Variants in SLC38A12 observed in about 807,000 individuals in gnomAD.
SLC38A12 encodes the protein putative sodium-coupled neutral amino acid transporter 12.
At chr17:74,819,969 G>T in the SLC38A12 span, 1 of 810,038 alleles carries the variant, frequency 1.2e-6, no homozygotes, top group South Asian at 1.6e-5. Context: ...ATTGACTCAG[G>T]CCTGTCTGGT....
the SLC38A12 span, chr17:74,837,830 A>G: frequency 3.0e-6 from 3 of 985,956 alleles, no homozygotes; most frequent in African/African-American, 5.2e-5. Context: ...CGTGCCTTCT[A>G]CTGCTTCAGG....
At chr17:74,795,704 A>C in the SLC38A12 span, 1 of 1,182,462 alleles carries the variant, frequency 8.5e-7, no homozygotes. Context: ...AAGTGCCTTT[A>C]CTTCCAGGTA....
chr17:74,817,481 A>G, the SLC38A12 span, among the ~76,000 whole-genome samples: 2 of 152,164 alleles, frequency 1.3e-5, no homozygotes, highest in East Asian at 1.9e-4. Context: ...CTAAGCGGAT[A>G]TGAACCCTCG....
chr17:74,800,401 C>T, the SLC38A12 span, among the ~76,000 whole-genome samples: 1 of 152,246 alleles, frequency 6.6e-6, no homozygotes, highest in Admixed American at 6.5e-5. Context: ...CCTGGGCACT[C>T]AAGTAGTGTT....
chr17:74,824,226 G>A, the SLC38A12 span, among the ~76,000 whole-genome samples: 9 of 152,166 alleles, frequency 5.9e-5, no homozygotes, highest in South Asian at 4.1e-4. Flanking sequence ...CTGCTCCGCC[G>A]CCCCCAGCAT....
At chr17:74,790,192 G>C in the SLC38A12 span, 1 of 1,611,480 alleles carries the variant, frequency 6.2e-7, no homozygotes, top group Non-Finnish European at 8.5e-7. Context: ...CATCCTACTG[G>C]CTCCCAGGAG....
the SLC38A12 span, among the ~76,000 whole-genome samples, chr17:74,806,451 G>A: frequency 6.6e-6 from 1 of 152,148 alleles, no homozygotes; most frequent in South Asian, 2.1e-4. Flanking sequence ...AGCTGTTTTT[G>A]TAGAGAGATC....
At chr17:74,812,095 A>G in the SLC38A12 span, among the ~76,000 whole-genome samples, 6 of 149,944 alleles carry the variant, frequency 4.0e-5, no homozygotes, top group African/African-American at 1.5e-4. Flanking sequence ...GCTTGGCTTC[A>G]GGAGTGCTGC....
the SLC38A12 span, among the ~76,000 whole-genome samples, chr17:74,818,372 G>T: frequency 6.6e-6 from 1 of 152,232 alleles, no homozygotes. Context: ...CCTGGTGGCT[G>T]CCAGGTCGCC....
chr17:74,810,731 G>A, the SLC38A12 span, among the ~76,000 whole-genome samples: 2 of 152,212 alleles, frequency 1.3e-5, no homozygotes, highest in Non-Finnish European at 2.9e-5. Flanking sequence ...GAACATTTTA[G>A]GAAGCTCATC....
At chr17:74,796,512 T>C in the SLC38A12 span, among the ~76,000 whole-genome samples, 1 of 152,208 alleles carries the variant, frequency 6.6e-6, no homozygotes, top group East Asian at 1.9e-4. Context: ...CTGCAGGCTA[T>C]TTGGGGCTGG....
chr17:74,807,144 C>T, the SLC38A12 span, among the ~76,000 whole-genome samples: 3 of 146,268 alleles, frequency 2.1e-5, no homozygotes, highest in South Asian at 4.6e-4. Context: ...CCCCAGACGT[C>T]GAGTGCTGTC....
At chr17:74,795,163 G>A in the SLC38A12 span, 1 of 1,453,014 alleles carries the variant, frequency 6.9e-7, no homozygotes, top group Non-Finnish European at 9.7e-7. Flanking sequence ...GGCTTCCTCA[G>A]CAAGTCAGGG....
the SLC38A12 span, among the ~76,000 whole-genome samples, chr17:74,821,911 G>A: frequency 6.6e-5 from 10 of 152,264 alleles, 1 homozygote; most frequent in South Asian, 4.1e-4. Context: ...GCTGATTCCC[G>A]TCCCTTCCCC....
At chr17:74,804,175 C>G in the SLC38A12 span, among the ~76,000 whole-genome samples, 1 of 152,226 alleles carries the variant, frequency 6.6e-6, no homozygotes, top group Non-Finnish European at 1.5e-5. Flanking sequence ...TGCTCTGTTA[C>G]AGGGTGTGTA....
the SLC38A12 span, among the ~76,000 whole-genome samples, chr17:74,796,330 G>A: frequency 2.0e-5 from 3 of 152,242 alleles, no homozygotes; most frequent in Admixed American, 6.5e-5. Context: ...GCTTCCTCTT[G>A]GTCCTCCTCA....
At chr17:74,804,592 C>T in the SLC38A12 span, among the ~76,000 whole-genome samples, 6 of 152,256 alleles carry the variant, frequency 3.9e-5, no homozygotes, top group Admixed American at 3.9e-4. Context: ...TCATAAGCCT[C>T]AGGCACAAAA....
the SLC38A12 span, among the ~76,000 whole-genome samples, chr17:74,802,877 G>T: frequency 1.3e-5 from 2 of 152,074 alleles, no homozygotes; most frequent in African/African-American, 4.8e-5. Flanking sequence ...AGCAAGCCAG[G>T]TTTACTCCCG....
chr17:74,788,984 A>G, the SLC38A12 span: 3 of 877,422 alleles, frequency 3.4e-6, no homozygotes, highest in African/African-American at 3.4e-5. Context: ...TGTCCACGGC[A>G]CTGCTCCTGG....
Sources: gnomAD v4.1 joint callset for allele counts (sites outside exome capture counted in the v4.1 genomes callset) on GRCh38, gnomAD v4.1.1 for gene constraint, MANE v1.5 for transcripts, NCBI Gene and HGNC (gene_info 2026-07-23, HGNC 2026-07-21) for gene names.